MYO1C: variants seen among roughly 807,000 people sequenced by gnomAD.
The protein encoded by MYO1C is myosin IC, also known as unconventional myosin-Ic.
MYO1C carries 104 observed loss-of-function variants against 150.8 expected under a neutral mutation model. The ratio of observed to expected loss-of-function variants is 0.69; its 90% CI spans 0.59 to 0.81. The LOEUF (loss-of-function observed/expected upper bound fraction) is 0.81, where lower values mean the gene tolerates loss of function less well. Ranked by LOEUF, MYO1C falls within the 30% of genes least tolerant of loss-of-function variation. MYO1C has a pLI of 0.00. For synonymous variants in MYO1C, 663 were observed against 579.9 expected (o/e 1.14, Z -2.06); for missense variants, 1,504 against 1,435.0 (o/e 1.05, Z -0.78).
chr17:1,473,227 G>A (rs2074339889), intron 17 of MYO1C, among the ~76,000 whole-genome samples: 1 of 152,056 alleles, frequency 6.6e-6, no homozygotes, highest in South Asian at 2.1e-4. Context: ...CAAAAAAGGG[G>A]ATGACACCCA....
Position 1,479,790 on chromosome 17 carries a change from G to C in MYO1C, c.907-85C>G. On this transcript the variant is annotated intron_variant, in intron 7 of 31. Transcript: ENST00000648651. The surrounding 1 kb of genome is among the most constrained non-coding windows in gnomAD (Gnocchi z 4.2). ...AACTAGCAGATGGCCATGCAGGGGTGGGTGGTGAAGTGTCGGAGAGAAGGG... is the reference window on the plus strand; with the variant it reads ...AACTAGCAGATGGCCATGCAGGGGTCGGTGGTGAAGTGTCGGAGAGAAGGG... The C allele has an allele frequency of 2.2e-6, 2 of 911,914 alleles. No individual in the cohort carries two copies. The highest frequency in any genetic ancestry group is 3.5e-6 in the Non-Finnish European group (2 of 575,710). The allele number at this position is 911,914 out of a possible 1,614,324, so 56.5% of individuals were successfully genotyped here.
At position 1,492,155 on chromosome 17, in the gene MYO1C, T is replaced by C. The variant is rs1027945205; in HGVS notation, c.75+258A>G. 16 of 531,646 alleles carry C rather than the reference T, an allele frequency of 3.0e-5. 1 individual carries two copies. Among genetic ancestry groups the C allele is most frequent in the Admixed American group, 1.3e-4 (4 of 31,842 alleles). 32.9% of individuals were successfully genotyped at this position (531,646 alleles called of 1,614,324 possible). On this transcript the variant is annotated intron_variant, in intron 1 of 31. Coordinates refer to ENST00000648651, the MANE Select transcript of MYO1C (RefSeq NM_001080779.2). ...GGCACTTGCCTTTTGTGCCCAGTAT[T>C]CACGGTTCTGCCCACTGAGGTTCGG...
chr17:1,488,397 G>C lies in MYO1C; in HGVS notation c.75+4016C>G, dbSNP rs1301247870. 2.0e-5 allele frequency among the ~76,000 whole-genome samples: 3 copies of C among 152,228 alleles called. No individual in the cohort carries two copies. The South Asian group carries it at 6.2e-4, about 32-fold the overall frequency. On this transcript the variant is annotated intron_variant, in intron 1 of 31. Transcript: ENST00000648651. ...CTGGACGGAAGCGCGAGCCCCGGGC[G>C]GGGAGGGAAGCGGGGAACCTGGGTG... is the stretch of plus-strand genomic sequence containing the variant.
rs759611643 is a variant in MYO1C at position 1,474,835 on chromosome 17, G to A, written c.1693C>T (p.Leu565Phe). 6.2e-7 allele frequency: 1 copy of A among 1,613,866 alleles called. No homozygotes were observed. Among genetic ancestry groups the A allele is most frequent in the Non-Finnish European group, 8.5e-7 (1 of 1,179,946 alleles). The change falls in exon 16 of 32, where the codon CTT (leucine) becomes TTT (phenylalanine). Residue 565 changes from leucine (L) to phenylalanine (F), a missense_variant. Transcript: ENST00000648651. Reference sequence around the variant, plus strand: ...ACCTCCTTAAGGTTCCGGAAGAGAAGGTCATTGTTTTTGTCCAGAAACCCT... The same window carrying A: ...ACCTCCTTAAGGTTCCGGAAGAGAAAGTCATTGTTTTTGTCCAGAAACCCT... ...VTGFLDKNND[L>F]LFRNLKETMC...
Position 1,482,470 on chromosome 17 carries a change from C to A in MYO1C, c.627+8G>T, listed in dbSNP as rs758456593. On this transcript the variant is annotated splice_region_variant and intron_variant, in intron 5 of 31. Transcript: ENST00000648651. Reference sequence around the variant, plus strand: ...TGGGAATCCTCACGACACACACATCCATGGTACCTTGAAGTCAAACTGCAC... The same window carrying A: ...TGGGAATCCTCACGACACACACATCAATGGTACCTTGAAGTCAAACTGCAC... 1.9e-6 allele frequency: 3 copies of A among 1,612,984 alleles called. No individual in the cohort carries two copies. The highest frequency in any genetic ancestry group is 2.5e-6 in the Non-Finnish European group (3 of 1,178,988).
intron 1 of MYO1C, 149 bp downstream of exon 1, chr17:1,492,264 C>T (rs2074743735): frequency 1.2e-5 from 9 of 764,230 alleles, no homozygotes; most frequent in Admixed American, 4.4e-5. Flanking sequence ...CTTCCACTCA[C>T]CCCGTCTTGT....
At chr17:1,467,119 A>T (rs1475727659) in intron 31 of MYO1C, 123 bp downstream of exon 31, 17 of 906,834 alleles carry the variant, frequency 1.9e-5, no homozygotes, top group Non-Finnish European at 3.0e-5. Flanking sequence ...AAGGGATGGA[A>T]GAGGTGGTAT....
intron 1 of MYO1C, among the ~76,000 whole-genome samples, chr17:1,489,065 C>T (rs190820500): frequency 2.7e-4 from 41 of 152,242 alleles, no homozygotes; most frequent in African/African-American, 9.9e-4. Context: ...CTGAGGCACC[C>T]GGGACTGCTG....
At chr17:1,477,376 C>A in intron 14 of MYO1C, 129 bp downstream of exon 14, 1 of 825,492 alleles carries the variant, frequency 1.2e-6, no homozygotes, top group Admixed American at 2.0e-5. Flanking sequence ...TGTGAGGGGT[C>A]CTTAACTCAG....
chr17:1,488,099 G>T (rs887494303), intron 1 of MYO1C, among the ~76,000 whole-genome samples: 1 of 152,194 alleles, frequency 6.6e-6, no homozygotes, highest in Non-Finnish European at 1.5e-5. Flanking sequence ...GGCGTGGCAG[G>T]AGCCAGCGGG....
At chr17:1,485,660 A>G (rs975613472) in intron 1 of MYO1C, 21 of 1,202,592 alleles carry the variant, frequency 1.7e-5, no homozygotes, top group Non-Finnish European at 1.7e-5. Flanking sequence ...GACGCCCGGG[A>G]CCCCCCGCCC....
chr17:1,474,427 CAAAAAA>C (rs869242496), intron 17 of MYO1C, among the ~76,000 whole-genome samples, 177 bp downstream of exon 17: 3 of 85,722 alleles, frequency 3.5e-5, no homozygotes, highest in Admixed American at 2.4e-4. Context: ...GACCCTGTCT[CAAAAAA>C]AAAAAAAAAA....
chr17:1,486,013 G>C (rs1198496514), intron 1 of MYO1C: 2 of 152,968 alleles, frequency 1.3e-5, no homozygotes, highest in Non-Finnish European at 2.9e-5. Context: ...GTGGAGCCCG[G>C]AACCCGCGCG....
At chr17:1,484,913 A>G in intron 1 of MYO1C, 1 of 410,460 alleles carries the variant, frequency 2.4e-6, no homozygotes, top group Non-Finnish European at 4.7e-6. Context: ...TAGAGCGTCG[A>G]GCACCAAGCA....
chr17:1,485,571 C>T lies in MYO1C; in HGVS notation c.76-1268G>A, dbSNP rs998368329. On this transcript the variant is annotated intron_variant, in intron 1 of 31. Coordinates refer to ENST00000648651, the MANE Select transcript of MYO1C (RefSeq NM_001080779.2). ...TCGGCCTCCTCCCCCTGCAACTTCCCGGGACGTTTTTCCACCCGGAATTCC... is the reference window on the plus strand; with the variant it reads ...TCGGCCTCCTCCCCCTGCAACTTCCTGGGACGTTTTTCCACCCGGAATTCC... 8.9e-5 allele frequency: 69 copies of T among 775,092 alleles called. No individual in the cohort carries two copies. In the Middle Eastern group the frequency reaches 1.6e-3, roughly 18 times the overall value. 48.0% of individuals were successfully genotyped at this position (775,092 alleles called of 1,614,324 possible).
At chr17:1,472,380 AGAG>A (rs1362876541) in intron 17 of MYO1C, 152 bp from the exon 18 acceptor site, 4 of 680,296 alleles carry the variant, frequency 5.9e-6, no homozygotes, top group African/African-American at 3.6e-5. Flanking sequence ...TCCTCGCAGC[AGAG>A]GAGGGGGCCA....
At chr17:1,485,132 C>T in intron 1 of MYO1C, 2 of 1,209,140 alleles carry the variant, frequency 1.7e-6, no homozygotes, top group African/African-American at 1.6e-5. Flanking sequence ...CATGGAAAGC[C>T]CAGCTGCCTC....
At position 1,469,610 on chromosome 17, in the gene MYO1C, G is replaced by A; in HGVS notation, c.2531C>T (p.Ser844Leu). 1 of 1,611,246 alleles carries A rather than the reference G, an allele frequency of 6.2e-7. No individual in the cohort carries two copies. The highest frequency in any genetic ancestry group is 8.5e-7 in the Non-Finnish European group (1 of 1,178,524). The change falls in exon 25 of 32, where the codon TCA (serine) becomes TTA (leucine). Residue 844 changes from serine (S) to leucine (L), a missense_variant. Ser to Leu is a moderately radical substitution (Grantham distance 145). Transcript: ENST00000648651. Reference sequence around the variant, plus strand: ...TATGCACAACTCCCGCAGAAGCTCTGAGGCCTAAGGGGAGGAGTGAGGTCA... The same window carrying A: ...TATGCACAACTCCCGCAGAAGCTCTAAGGCCTAAGGGGAGGAGTGAGGTCA... Reference protein sequence around the residue: ...PTPPPALREASELLRELCIKN... With the variant: ...PTPPPALREALELLRELCIKN...
intron 1 of MYO1C, among the ~76,000 whole-genome samples, chr17:1,484,839 G>A (rs2074617522): frequency 6.6e-6 from 1 of 152,136 alleles, no homozygotes; most frequent in Admixed American, 6.5e-5. Flanking sequence ...AAATGGCTCA[G>A]GGTCAATTCT....
Sources: allele counts gnomAD v4.1 joint callset (sites outside exome capture counted in the v4.1 genomes callset), GRCh38; gene constraint gnomAD v4.1.1; non-coding constraint Gnocchi (gnomAD v3.1); transcripts MANE v1.5; gene names NCBI Gene and HGNC (gene_info 2026-07-23, HGNC 2026-07-21).